The following SOX6 variants were observed in gnomAD, a reference collection of about 807,000 sequenced individuals.
SOX6 encodes the protein SRY-box transcription factor 6, also known as transcription factor SOX-6.
In SOX6, 11 loss-of-function variants were observed where a neutral mutation model predicts 97.8. That is an observed-to-expected ratio of 0.11 (90% CI 0.07 to 0.19). The LOEUF is 0.19. Among genes scored for constraint, SOX6 ranks in the 10% least tolerant of loss-of-function variants. The pLI, the probability that SOX6 is intolerant of heterozygous loss-of-function variation, is 1.00. For missense variants in SOX6, 810 were observed against 1,039.5 expected (o/e 0.78, Z 3.04); for synonymous variants, 360 against 371.4 (o/e 0.97, Z 0.35).
chr11:16,676,949 T>C (rs1227955985), intron 3 of SOX6, among the ~76,000 whole-genome samples: 2 of 152,012 alleles, frequency 1.3e-5, no homozygotes, highest in African/African-American at 2.4e-5. Flanking sequence ...ACCAGGAATA[T>C]GTGGGTACTT....
chr11:16,067,429 A>C (rs973838005), intron 9 of SOX6, among the ~76,000 whole-genome samples: 1 of 151,988 alleles, frequency 6.6e-6, no homozygotes, highest in Admixed American at 6.6e-5. Context: ...TTTTATAAAG[A>C]GCGGTTCCCC....
chr11:16,700,917 G>A (rs1225986208), intron 3 of SOX6, among the ~76,000 whole-genome samples: 1 of 152,062 alleles, frequency 6.6e-6, no homozygotes, highest in Non-Finnish European at 1.5e-5. Context: ...TTTCCTGCTA[G>A]GGCCATAAGG....
chr11:16,495,706 G>C (rs990754600), intron 4 of SOX6, among the ~76,000 whole-genome samples: 3 of 152,112 alleles, frequency 2.0e-5, no homozygotes, highest in Admixed American at 2.0e-4. Flanking sequence ...GGGACCCAAA[G>C]ACCCTTCCAC....
intron 3 of SOX6, among the ~76,000 whole-genome samples, chr11:16,673,533 T>C (rs565534443): frequency 2.0e-5 from 3 of 152,154 alleles, no homozygotes; most frequent in East Asian, 3.9e-4. Flanking sequence ...CCTAGACACA[T>C]AAAACCTATC....
At chr11:16,242,655 A>T (rs1457373771) in intron 3 of SOX6, among the ~76,000 whole-genome samples, 1 of 151,562 alleles carries the variant, frequency 6.6e-6, no homozygotes, top group Non-Finnish European at 1.5e-5. Context: ...CAAAAAAAAA[A>T]CCTTTCCTCT....
At chr11:16,571,465 G>A (rs1847937129) in intron 4 of SOX6, among the ~76,000 whole-genome samples, 1 of 152,082 alleles carries the variant, frequency 6.6e-6, no homozygotes, top group African/African-American at 2.4e-5. Flanking sequence ...TGTTGCCCAG[G>A]CTAGAGTGCA....
chr11:16,128,578 A>C (rs1319939359), intron 6 of SOX6, among the ~76,000 whole-genome samples: 1 of 152,208 alleles, frequency 6.6e-6, no homozygotes, highest in Non-Finnish European at 1.5e-5. Flanking sequence ...CTTATCTCAC[A>C]AAATCAGATT....
chr11:16,288,018 C>G (rs1174593100), intron 3 of SOX6, among the ~76,000 whole-genome samples: 1 of 152,104 alleles, frequency 6.6e-6, no homozygotes, highest in Admixed American at 6.6e-5. Context: ...TTGTCTCCCA[C>G]CTTCATATAT....
At chr11:16,259,766 G>T (rs905990439) in intron 3 of SOX6, among the ~76,000 whole-genome samples, 8 of 152,094 alleles carry the variant, frequency 5.3e-5, no homozygotes, top group African/African-American at 1.9e-4. Context: ...CAGGGGTTAT[G>T]ATTGGGAGGG....
chr11:16,419,556 CTTA>C (rs1476563930), intron 1 of SOX6, among the ~76,000 whole-genome samples: 1 of 151,930 alleles, frequency 6.6e-6, no homozygotes, highest in Non-Finnish European at 1.5e-5. Context: ...TGCAAAATAT[CTTA>C]TTTTCTCTAA....
At chr11:16,619,559 A>G (rs566169154) in intron 3 of SOX6, among the ~76,000 whole-genome samples, 1 of 152,024 alleles carries the variant, frequency 6.6e-6, no homozygotes, top group Non-Finnish European at 1.5e-5. Context: ...TGGTGTTTCT[A>G]TTGCCTAGAA....
chr11:16,228,408 CAGTAATG>C (rs1314471014), intron 4 of SOX6, among the ~76,000 whole-genome samples: 1 of 152,028 alleles, frequency 6.6e-6, no homozygotes, highest in East Asian at 1.9e-4. Context: ...ATTCTATCCT[CAGTAATG>C]CTAGAAAGGA....
intron 1 of SOX6, among the ~76,000 whole-genome samples, chr11:16,464,097 T>G (rs1423894555): frequency 6.6e-6 from 1 of 152,196 alleles, no homozygotes; most frequent in Non-Finnish European, 1.5e-5. Flanking sequence ...CCTTTTAAGA[T>G]CAAGATTATT....
chr11:15,984,391 C>G (rs1853761255), intron 15 of SOX6, among the ~76,000 whole-genome samples: 1 of 152,110 alleles, frequency 6.6e-6, no homozygotes. Flanking sequence ...CTATGTATCA[C>G]TACATACACA....
intron 1 of SOX6, among the ~76,000 whole-genome samples, chr11:16,452,496 A>G (rs1590209530): frequency 6.6e-6 from 1 of 152,254 alleles, no homozygotes; most frequent in African/African-American, 2.4e-5. Context: ...TATTCTTATC[A>G]GGAAAGTTAA....
intron 2 of SOX6, among the ~76,000 whole-genome samples, chr11:16,721,618 CCTCTCTCTCT>C (rs59547335): frequency 2.7e-4 from 6 of 22,352 alleles, no homozygotes; most frequent in Admixed American, 6.7e-4. Flanking sequence ...TCCCTCCCTC[CCTCTCTCTCT>C]CTCTCTCTCT....
intron 3 of SOX6, chr11:16,264,400 T>C (rs1351647710): frequency 6.6e-6 from 1 of 152,000 alleles, no homozygotes; most frequent in African/African-American, 2.4e-5. Flanking sequence ...TCATACCAAA[T>C]TACAGATAGT....
At chr11:16,305,619 T>C (rs1855405505) in intron 3 of SOX6, among the ~76,000 whole-genome samples, 2 of 152,190 alleles carry the variant, frequency 1.3e-5, no homozygotes, top group East Asian at 1.9e-4. Flanking sequence ...GCAAGTTTAT[T>C]TGTAATAGTC....
intron 6 of SOX6, among the ~76,000 whole-genome samples, chr11:16,134,287 C>T (rs997125901): frequency 1.3e-5 from 2 of 152,296 alleles, no homozygotes; most frequent in African/African-American, 4.8e-5. Flanking sequence ...AACCATTGTT[C>T]CATATTGCCT....
Sources: gnomAD v4.1 joint callset for allele counts (sites outside exome capture counted in the v4.1 genomes callset) on GRCh38, gnomAD v4.1.1 for gene constraint, MANE v1.5 for transcripts, NCBI Gene and HGNC (gene_info 2026-07-23, HGNC 2026-07-21) for gene names.